Variants in ATP11C observed in about 807,000 individuals in gnomAD.
ATP11C encodes ATPase phospholipid transporting 11C (ATP11C blood group).
Under a neutral mutation model 97.4 loss-of-function variants are expected in ATP11C, and 36 were observed. That is an observed-to-expected ratio of 0.37 (90% CI 0.28 to 0.49). The LOEUF (loss-of-function observed/expected upper bound fraction) is 0.49. Ranked by LOEUF, ATP11C falls within the 20% of genes least tolerant of loss-of-function variation. ATP11C has a pLI of 0.98. For missense variants in ATP11C, 730 were observed against 824.6 expected (o/e 0.89, Z 1.40); for synonymous variants, 275 against 290.9 (o/e 0.95, Z 0.56).
intron 2 of ATP11C, among the ~76,000 whole-genome samples, chrX:139,822,298 G>A (rs2083427656): frequency 1.8e-5 from 2 of 112,488 alleles, no homozygotes; most frequent in African/African-American, 6.5e-5. Context: ...CCAGGCTCAA[G>A]CAATCCGCCC....
At position 139,727,375 on chromosome X, in the gene ATP11C, G is replaced by C. The variant is rs939310260; in HGVS notation, c.*1591C>G. ...GGCTACCAGAACACAGCACACTTAGGTAAGTTGTGAATGACATGTAACAAA... is the reference window on the plus strand; with the variant it reads ...GGCTACCAGAACACAGCACACTTAGCTAAGTTGTGAATGACATGTAACAAA... On this transcript the variant is annotated 3_prime_UTR_variant, in exon 30 of 30. Coordinates refer to ENST00000682941, the MANE Select transcript of ATP11C (RefSeq NM_001353812.2). 2 of 111,730 alleles carry C rather than the reference G, an allele frequency of 1.8e-5. No individual in the cohort carries two copies. Among genetic ancestry groups the C allele is most frequent in the Admixed American group, 9.6e-5 (1 of 10,469 alleles). The allele number at this position is 111,730 out of a possible 1,213,427, so 9.2% of individuals were successfully genotyped here. A position where few individuals can be genotyped will look rare whatever the true frequency, so the allele number is the denominator to read the frequency against.
At chrX:139,879,024 G>A (rs1569484820) in intron 1 of ATP11C, among the ~76,000 whole-genome samples, 2 of 111,129 alleles carry the variant, frequency 1.8e-5, no homozygotes, top group Admixed American at 1.9e-4. Flanking sequence ...GCTGGGAGGA[G>A]GCTCAGCCTG....
In ATP11C at chrX:139,851,708, C is replaced by T. The variant is rs150855460; in HGVS notation, c.28-24885G>A. On this transcript the variant is annotated intron_variant, in intron 1 of 29. Coordinates refer to ENST00000682941, the MANE Select transcript of ATP11C (RefSeq NM_001353812.2). Reference sequence around the variant, plus strand: ...GCAAGGCTGCCTGAGGCCTTGGGGGCCAAATCTCTATCCCAGTGTACCCAG... The same window carrying T: ...GCAAGGCTGCCTGAGGCCTTGGGGGTCAAATCTCTATCCCAGTGTACCCAG... Among the ~76,000 whole-genome samples the T allele has an allele frequency of 7.2e-3, 799 of 111,720 alleles. 8 individuals are homozygous for T. Among genetic ancestry groups the T allele is most frequent in the African/African-American group, 0.024 (751 of 30,748 alleles).
At position 139,804,491 on chromosome X, in the gene ATP11C, C is replaced by G; in HGVS notation, c.535G>C (p.Asp179His). Residue 179 changes from aspartate (D) to histidine (H), a missense_variant, in exon 6 of 30, where the codon GAT (aspartate) becomes CAT (histidine). By Grantham distance (81) the Asp-to-His change is moderately conservative. Coordinates refer to ENST00000682941, the MANE Select transcript of ATP11C (RefSeq NM_001353812.2). ...GTCYVTTASLDGESNCKTHYA... is the reference protein window; with the variant it reads ...GTCYVTTASLHGESNCKTHYA... Reference sequence around the variant, plus strand: ...GTTACCTTGCAATTGGATTCCCCATCAAGACTGGCTGTAGTGACATAACAG... The same window carrying G: ...GTTACCTTGCAATTGGATTCCCCATGAAGACTGGCTGTAGTGACATAACAG... The G allele has an allele frequency of 8.3e-7, 1 of 1,205,122 alleles. No individual in the cohort carries two copies. Among genetic ancestry groups the G allele is most frequent in the Non-Finnish European group, 1.1e-6 (1 of 891,636 alleles).
chrX:139,809,710 T>A (rs1402671228), intron 5 of ATP11C, among the ~76,000 whole-genome samples: 4 of 112,066 alleles, frequency 3.6e-5, no homozygotes, highest in African/African-American at 1.3e-4. Context: ...ATGCCTGTAA[T>A]CCCAGCATTT....
chrX:139,900,272 G>A (rs1187343091), intron 1 of ATP11C, among the ~76,000 whole-genome samples: 1 of 108,305 alleles, frequency 9.2e-6, no homozygotes, highest in Non-Finnish European at 1.9e-5. Context: ...GGGAGGCTGA[G>A]GCAGGAGAAT....
intron 1 of ATP11C, among the ~76,000 whole-genome samples, chrX:139,847,325 G>A (rs940050773): frequency 9.0e-6 from 1 of 111,404 alleles, no homozygotes; most frequent in Admixed American, 9.6e-5. Flanking sequence ...AGAGATTGCA[G>A]TGAGTCAAGA....
intron 19 of ATP11C, among the ~76,000 whole-genome samples, chrX:139,771,329 G>A: frequency 1.8e-5 from 2 of 111,686 alleles, no homozygotes. Context: ...ATGTGGAACT[G>A]TAAGTCCAAT....
chrX:139,823,246 G>A (rs1483328056), intron 2 of ATP11C, among the ~76,000 whole-genome samples: 4 of 111,661 alleles, frequency 3.6e-5, no homozygotes, highest in Admixed American at 9.5e-5. Flanking sequence ...CAGCTTTCCC[G>A]GTACATACAA....
At chrX:139,910,908 A>G (rs1386819171) in intron 1 of ATP11C, among the ~76,000 whole-genome samples, 2 of 111,980 alleles carry the variant, frequency 1.8e-5, no homozygotes, top group African/African-American at 3.2e-5. Flanking sequence ...ACTTCAGGTC[A>G]CAGTGTCAAA....
chrX:139,831,331 C>G (rs2083644678), intron 1 of ATP11C, among the ~76,000 whole-genome samples: 1 of 104,237 alleles, frequency 9.6e-6, no homozygotes, highest in African/African-American at 3.9e-5. Flanking sequence ...AGGCATTACC[C>G]AATGGCTTCA....
chrX:139,823,820 G>C (rs1040570595), intron 2 of ATP11C, among the ~76,000 whole-genome samples: 2 of 111,456 alleles, frequency 1.8e-5, no homozygotes, highest in African/African-American at 6.5e-5. Context: ...AAACAAACGG[G>C]ACTTAAATTA....
chrX:139,803,828 A>G (rs1214135727), intron 6 of ATP11C, among the ~76,000 whole-genome samples: 2 of 103,280 alleles, frequency 1.9e-5, no homozygotes, highest in East Asian at 6.2e-4. Context: ...CCTCCCGAGT[A>G]GCTGGAATTA....
chrX:139,861,248 GAAGAAA>G (rs1252078637), intron 1 of ATP11C, among the ~76,000 whole-genome samples: 3 of 111,857 alleles, frequency 2.7e-5, no homozygotes, highest in Non-Finnish European at 5.6e-5. Context: ...GAAATGGAAA[GAAGAAA>G]AAGAGTAGAT....
chrX:139,781,177 G>A (rs1446773047), intron 18 of ATP11C, among the ~76,000 whole-genome samples: 1 of 111,497 alleles, frequency 9.0e-6, no homozygotes, highest in Non-Finnish European at 1.9e-5. Flanking sequence ...CTTTCCTCTG[G>A]GTTTCTTTTG....
At chrX:139,812,574 T>C (rs1048396768) in intron 5 of ATP11C, among the ~76,000 whole-genome samples, 4 of 107,296 alleles carry the variant, frequency 3.7e-5, no homozygotes, top group Non-Finnish European at 7.7e-5. Flanking sequence ...AGACAGGGTC[T>C]CACTCTGTCA....
upstream of ATP11C, among the ~76,000 whole-genome samples, chrX:139,933,801 CT>C (rs745714314): frequency 8.0e-5 from 9 of 112,233 alleles, no homozygotes; most frequent in Non-Finnish European, 1.1e-4. Context: ...TTCAACAAAC[CT>C]TTGCTGGGAA....
chrX:139,871,067 A>G (rs1482411309), intron 1 of ATP11C, among the ~76,000 whole-genome samples: 5 of 107,920 alleles, frequency 4.6e-5, no homozygotes, highest in Admixed American at 3.0e-4. Context: ...CGTCTCAAAA[A>G]AAAAAAAAAA....
chrX:139,817,680 T>C (rs1368480376), intron 3 of ATP11C, among the ~76,000 whole-genome samples: 1 of 112,290 alleles, frequency 8.9e-6, no homozygotes, highest in Non-Finnish European at 1.9e-5. Flanking sequence ...AGGGAGTCTA[T>C]TTAGGAGGCT....
Sources: allele counts gnomAD v4.1 joint callset (sites outside exome capture counted in the v4.1 genomes callset), GRCh38; gene constraint gnomAD v4.1.1; transcripts MANE v1.5; gene names NCBI Gene and HGNC (gene_info 2026-07-23, HGNC 2026-07-21).